The following PIK3C2G variants were observed in gnomAD, a reference collection of about 807,000 sequenced individuals.
PIK3C2G encodes phosphatidylinositol-4-phosphate 3-kinase catalytic subunit type 2 gamma.
A neutral mutation model predicts 181.1 loss-of-function variants in PIK3C2G; 168 were observed. That is an observed-to-expected ratio of 0.93 (90% CI 0.82 to 1.05). PIK3C2G has a LOEUF of 1.05. Among genes scored for constraint, PIK3C2G ranks in the 50% least tolerant of loss-of-function variants. PIK3C2G has a pLI of 0.00. For missense variants in PIK3C2G, 1,869 were observed against 1,732.8 expected (o/e 1.08, Z -1.40); for synonymous variants, 573 against 592.2 (o/e 0.97, Z 0.47).
At chr12:18,509,195 G>T (rs577769638) in intron 24 of PIK3C2G, among the ~76,000 whole-genome samples, 2 of 152,008 alleles carry the variant, frequency 1.3e-5, no homozygotes, top group African/African-American at 2.4e-5. Flanking sequence ...GTAATTACAT[G>T]CCACCACGCC....
In PIK3C2G at chr12:18,314,033, G is replaced by T; in HGVS notation, c.1106G>T (p.Ser369Ile). ...GTTATTCAGCTCCACCTGCAGAAAA[G>T]TAGGGAAGCTCCAGGAAAGCTATCT... ...KSVIQLHLQK[S>I]REAPGKLSRK... Residue 369 changes from serine (S) to isoleucine (I), a missense_variant, in exon 6 of 33, where the codon AGT becomes ATT. Ser to Ile is a moderately radical substitution (Grantham distance 142). Coordinates refer to ENST00000538779, the MANE Select transcript of PIK3C2G (RefSeq NM_001288772.2). 6.3e-7 allele frequency: 1 copy of T among 1,583,240 alleles called. No homozygotes were observed. Among genetic ancestry groups the T allele is most frequent in the Non-Finnish European group, 8.6e-7 (1 of 1,162,042 alleles).
intron 24 of PIK3C2G, among the ~76,000 whole-genome samples, chr12:18,532,694 A>G (rs947029970): frequency 7.2e-5 from 11 of 152,050 alleles, no homozygotes; most frequent in Non-Finnish European, 1.3e-4. Context: ...TCTGCCACCA[A>G]TACCAATTTT....
chr12:18,719,016 T>A, the PIK3C2G span, among the ~76,000 whole-genome samples: 28 of 152,310 alleles, frequency 1.8e-4, no homozygotes, highest in Admixed American at 1.5e-3. Flanking sequence ...GTACTGTATT[T>A]ATGTGTTGGC....
At chr12:18,615,861 A>T (rs1014815294) in intron 31 of PIK3C2G, among the ~76,000 whole-genome samples, 2 of 152,068 alleles carry the variant, frequency 1.3e-5, no homozygotes, top group Admixed American at 1.3e-4. Context: ...AAAAAATTTT[A>T]ACAGAGTCTC....
At chr12:18,696,257 A>C in the PIK3C2G span, 1 of 1,552,488 alleles carries the variant, frequency 6.4e-7, no homozygotes, top group South Asian at 1.1e-5. Context: ...GTGAAAAATA[A>C]ACTCATGGAC....
intron 16 of PIK3C2G, among the ~76,000 whole-genome samples, 179 bp downstream of exon 16, chr12:18,400,026 AATC>A (rs970311337): frequency 1.3e-5 from 2 of 152,222 alleles, no homozygotes; most frequent in Non-Finnish European, 2.9e-5. Context: ...TCTAAGCTAT[AATC>A]ATGTCTGCTG....
intron 11 of PIK3C2G, among the ~76,000 whole-genome samples, chr12:18,360,025 T>C (rs1941094260): frequency 6.6e-6 from 1 of 152,172 alleles, no homozygotes. Context: ...TTCTGTCTTG[T>C]ATCTTCTTTG....
intron 12 of PIK3C2G, 119 bp downstream of exon 12, chr12:18,363,005 A>C: frequency 2.7e-6 from 2 of 729,990 alleles, no homozygotes; most frequent in Non-Finnish European, 2.1e-6. Flanking sequence ...GATTTGATTC[A>C]GTGGTATGAT....
rs12302243 is a variant in PIK3C2G at position 18,350,426 on chromosome 12, G to A, written c.1625+3590G>A. ...ACATATTATGTAATAAAGTATATCT[G>A]TGCAAAAAATGATTTGACAGTACTT... On this transcript the variant is annotated intron_variant, in intron 11 of 32. Coordinates refer to ENST00000538779, the MANE Select transcript of PIK3C2G (RefSeq NM_001288772.2). Among the ~76,000 whole-genome samples the A allele has an allele frequency of 4.0e-3, 612 of 152,174 alleles. 1 individual carries two copies. Among genetic ancestry groups the A allele is most frequent in the African/African-American group, 0.014 (565 of 41,516 alleles).
chr12:18,276,882 A>C (rs1417717069), intron 1 of PIK3C2G, among the ~76,000 whole-genome samples: 1 of 152,218 alleles, frequency 6.6e-6, no homozygotes, highest in East Asian at 1.9e-4. Context: ...GATGGCTTTG[A>C]ATTTTCCATA....
intron 14 of PIK3C2G, 125 bp from the exon 15 acceptor site, chr12:18,390,997 A>G (rs1402346504): frequency 3.4e-6 from 2 of 590,810 alleles, no homozygotes; most frequent in Admixed American, 8.4e-5. Flanking sequence ...TAAAATTATA[A>G]ATAGCACAGA....
chr12:18,549,500 A>C (rs1592555345), intron 26 of PIK3C2G, among the ~76,000 whole-genome samples: 2 of 152,086 alleles, frequency 1.3e-5, no homozygotes, highest in East Asian at 3.9e-4. Context: ...ATCTTTATCT[A>C]CATTTTTATA....
intron 24 of PIK3C2G, among the ~76,000 whole-genome samples, chr12:18,535,964 G>C (rs570530452): frequency 1.0e-4 from 8 of 79,296 alleles, no homozygotes; most frequent in South Asian, 5.5e-4. Context: ...GCTGTGGGGT[G>C]GGGGAAGAGG....
chr12:18,495,945 A>G lies in PIK3C2G; in HGVS notation c.2794-117A>G, dbSNP rs994080649. ...TATAAAAATTATTCATATGTGTTAC[A>G]TTTGTTCATACAACAAAGTCTGCAA... On this transcript the variant is annotated intron_variant, in intron 20 of 32. Transcript: ENST00000538779. The G allele has an allele frequency of 3.2e-5, 17 of 536,920 alleles. No homozygotes were observed. The Admixed American group carries it at 7.0e-4, about 22-fold the overall frequency. The allele number at this position is 536,920 out of a possible 1,614,324, so 33.3% of individuals were successfully genotyped here.
chr12:18,693,096 A>G, the PIK3C2G span: 1 of 1,523,390 alleles, frequency 6.6e-7, no homozygotes, highest in South Asian at 1.1e-5. Context: ...GGGGACCCCA[A>G]TGTCAGTAGG....
chr12:18,292,650 T>C (rs1424627496), intron 4 of PIK3C2G, among the ~76,000 whole-genome samples: 1 of 152,170 alleles, frequency 6.6e-6, no homozygotes, highest in Non-Finnish European at 1.5e-5. Context: ...GGGAGGATTA[T>C]GATATGTGAA....
chr12:18,529,606 A>G (rs1209055308), intron 24 of PIK3C2G, among the ~76,000 whole-genome samples: 1 of 152,178 alleles, frequency 6.6e-6, no homozygotes, highest in Non-Finnish European at 1.5e-5. Flanking sequence ...AACATCATTC[A>G]TTTTTTGAGT....
At chr12:18,701,803 T>C in the PIK3C2G span, 1 of 1,574,316 alleles carries the variant, frequency 6.4e-7, no homozygotes, top group Non-Finnish European at 8.6e-7. Context: ...AGAGATACAA[T>C]TACACATTTA....
At chr12:18,687,570 T>G in the PIK3C2G span, among the ~76,000 whole-genome samples, 2 of 152,154 alleles carry the variant, frequency 1.3e-5, no homozygotes, top group African/African-American at 4.8e-5. Flanking sequence ...CCAAAGTTAT[T>G]TCCCTTAATT....
Sources: gnomAD v4.1 joint callset for allele counts (sites outside exome capture counted in the v4.1 genomes callset) on GRCh38, gnomAD v4.1.1 for gene constraint, MANE v1.5 for transcripts, NCBI Gene and HGNC (gene_info 2026-07-23, HGNC 2026-07-21) for gene names.